The following LONP2 variants were observed in gnomAD, a reference collection of about 807,000 sequenced individuals.
LONP2 encodes the protein lon protease homolog 2, peroxisomal.
A neutral mutation model predicts 85.6 loss-of-function variants in LONP2; 60 were observed. That is an observed-to-expected ratio of 0.70 (90% CI 0.57 to 0.87). LONP2 has a LOEUF of 0.87. Among genes scored for constraint, LONP2 ranks in the 40% least tolerant of loss-of-function variants. The pLI is 0.00. For synonymous variants in LONP2, 395 were observed against 389.7 expected, an observed-to-expected ratio of 1.01 and a Z score of -0.16; for missense variants, 860 against 1,063.5, an observed-to-expected ratio of 0.81 and a Z score of 2.66.
intron 11 of LONP2, among the ~76,000 whole-genome samples, chr16:48,316,362 T>A (rs1342561804): frequency 5.1e-5 from 7 of 136,988 alleles, no homozygotes; most frequent in Non-Finnish European, 1.1e-4. Flanking sequence ...AGTCTCGCCC[T>A]GTTGCTCAGG....
chr16:48,281,083 A>G (rs1303661920), intron 8 of LONP2, among the ~76,000 whole-genome samples: 1 of 152,188 alleles, frequency 6.6e-6, no homozygotes, highest in Non-Finnish European at 1.5e-5. Flanking sequence ...AATGATATCT[A>G]GATATTATTT....
At chr16:48,300,110 T>C (rs1355914879) in intron 10 of LONP2, among the ~76,000 whole-genome samples, 1 of 152,222 alleles carries the variant, frequency 6.6e-6, no homozygotes, top group Non-Finnish European at 1.5e-5. Flanking sequence ...AGGGGTTAAT[T>C]TGATCATTTA....
chr16:48,267,145 G>A (rs1972006822), intron 6 of LONP2, among the ~76,000 whole-genome samples: 1 of 152,114 alleles, frequency 6.6e-6, no homozygotes, highest in Admixed American at 6.5e-5. Flanking sequence ...TATCCATCAT[G>A]AAAATAATTC....
In LONP2 at chr16:48,362,550, A is replaced by G; in HGVS notation, c.*687A>G. The G allele has an allele frequency of 1.0e-6, 1 of 970,244 alleles. No individual in the cohort carries two copies. Among genetic ancestry groups the G allele is most frequent in the Non-Finnish European group, 1.5e-6 (1 of 654,262 alleles). 60.1% of individuals were successfully genotyped at this position (970,244 alleles called of 1,614,324 possible). On this transcript the variant is annotated 3_prime_UTR_variant, in exon 5 of 5. Transcript: ENST00000565867. The surrounding 1 kb of genome is among the most constrained non-coding windows in gnomAD (Gnocchi z 4.2). ...TCATACAAAATTTACTGAGCAAAAG[A>G]GGAAGAAAAATAGGATTAAAAAAGA...
intron 6 of LONP2, among the ~76,000 whole-genome samples, chr16:48,269,347 C>T (rs1972055547): frequency 1.3e-5 from 2 of 151,950 alleles, no homozygotes; most frequent in African/African-American, 4.8e-5. Flanking sequence ...AACTTGAATG[C>T]TCAGCAGTAG....
chr16:48,281,346 G>A (rs1031765043), intron 8 of LONP2, among the ~76,000 whole-genome samples: 3 of 152,086 alleles, frequency 2.0e-5, no homozygotes, highest in African/African-American at 7.2e-5. Flanking sequence ...GTCCAAAAAA[G>A]GAGAATTCAA....
Position 48,296,128 on chromosome 16 carries a change from T to G in LONP2, c.1497T>G (p.Ala499=). The G allele has an allele frequency of 1.9e-6, 3 of 1,614,214 alleles. No individual in the cohort carries two copies. Among genetic ancestry groups the G allele is most frequent in the Non-Finnish European group, 2.5e-6 (3 of 1,180,026 alleles). The change falls in exon 9 of 15, where the codon GCT becomes GCG. Residue 499 remains alanine, a synonymous_variant. Transcript: ENST00000285737. ...CCAACACCACTGCTACCATTCCAGC[T>G]GCCTTGTTGGACAGAATGGAGATCA... ...ATANTTATIP[A]ALLDRMEIIQ... is the part of the protein sequence containing the mutation.
intron 11 of LONP2, among the ~76,000 whole-genome samples, chr16:48,322,152 AC>A (rs1263119976): frequency 2.6e-5 from 4 of 152,072 alleles, no homozygotes; most frequent in Admixed American, 1.3e-4. Flanking sequence ...GTATAGCTAT[AC>A]AAAAAATATT....
intron 8 of LONP2, among the ~76,000 whole-genome samples, chr16:48,291,474 T>G (rs1972555678): frequency 6.6e-6 from 1 of 152,258 alleles, no homozygotes; most frequent in African/African-American, 2.4e-5. Flanking sequence ...AGAATAATTC[T>G]CAGTGTACAT....
At chr16:48,281,654 C>A (rs1972330700) in intron 8 of LONP2, among the ~76,000 whole-genome samples, 1 of 152,098 alleles carries the variant, frequency 6.6e-6, no homozygotes, top group South Asian at 2.1e-4. Context: ...AAATAAAATG[C>A]ATGGATACAA....
chr16:48,334,793 T>C (rs765697482), intron 12 of LONP2: 28 of 554,098 alleles, frequency 5.1e-5, no homozygotes, highest in Admixed American at 2.0e-4. Context: ...CTCAGTGGCA[T>C]CACTGGGCTC....
chr16:48,357,012 A>G lies in LONP2; in HGVS notation c.*5210A>G, dbSNP rs1960392266. ...GCCTAAGAAAATTACATCTATGATAATAAAGTGTATTTCTTTGTCAAGTTT... is the reference window on the plus strand; with the variant it reads ...GCCTAAGAAAATTACATCTATGATAGTAAAGTGTATTTCTTTGTCAAGTTT... On this transcript the variant is annotated 3_prime_UTR_variant, in exon 15 of 15. Coordinates refer to ENST00000285737, the MANE Select transcript of LONP2 (RefSeq NM_031490.5). The G allele has an allele frequency of 6.5e-6, 1 of 153,426 alleles. No homozygotes were observed. The allele number at this position is 153,426 out of a possible 1,614,324, so 9.5% of individuals were successfully genotyped here.
Position 48,352,048 on chromosome 16 carries a change from G to A in LONP2, c.*246G>A. ...TCCTTACTGTCCCTGGAAAGATATA[G>A]CATAGTGGTTCTCAGCACAGTCTCC... is the stretch of plus-strand genomic sequence containing the variant. On this transcript the variant is annotated 3_prime_UTR_variant, in exon 15 of 15. Transcript: ENST00000285737. 2.0e-6 allele frequency: 1 copy of A among 500,402 alleles called. No individual in the cohort carries two copies. The highest frequency in any genetic ancestry group is 3.6e-6 in the Non-Finnish European group (1 of 279,728). 31.0% of individuals were successfully genotyped at this position (500,402 alleles called of 1,614,324 possible).
rs753821880 is a variant in LONP2 at position 48,303,307 on chromosome 16, T to A, written c.1795+2T>A. 1 of 1,611,304 alleles carries A rather than the reference T, an allele frequency of 6.2e-7. No homozygotes were observed. The highest frequency in any genetic ancestry group is 1.1e-5 in the South Asian group (1 of 90,990). ...GTTCTGATGTGACTGAGAGAGAAGG[T>A]TGGTGACCTTGTTCTGGCATTCTCA... is the stretch of plus-strand genomic sequence containing the variant. On this transcript the variant is annotated splice_donor_variant, in intron 11 of 14. Transcript: ENST00000285737. LOFTEE classifies it high-confidence loss of function.
At chr16:48,341,305 T>A (rs141063412) in intron 12 of LONP2, among the ~76,000 whole-genome samples, 1 of 147,106 alleles carries the variant, frequency 6.8e-6, no homozygotes, top group Non-Finnish European at 1.5e-5. Flanking sequence ...ATCTCAAAAA[T>A]AAATAAATAA....
intron 12 of LONP2, among the ~76,000 whole-genome samples, chr16:48,340,811 G>A (rs557014451): frequency 2.8e-4 from 43 of 151,984 alleles, no homozygotes; most frequent in African/African-American, 1.0e-3. Flanking sequence ...AATATTACCC[G>A]GAAGGCTGAG....
intron 11 of LONP2, among the ~76,000 whole-genome samples, chr16:48,307,954 G>A (rs1313109976): frequency 6.6e-6 from 1 of 152,112 alleles, no homozygotes; most frequent in Non-Finnish European, 1.5e-5. Context: ...GAGAGAGGGA[G>A]CAAGGAAAGA....
chr16:48,328,867 C>T (rs1959344862), intron 11 of LONP2, among the ~76,000 whole-genome samples: 1 of 151,454 alleles, frequency 6.6e-6, no homozygotes, highest in African/African-American at 2.4e-5. Flanking sequence ...GGAGCGGGAG[C>T]CAGTATATAA....
In LONP2 at chr16:48,252,169, GT is replaced by G. The variant is rs1971667429; in HGVS notation, c.273del (p.Ser91ArgfsTer11). 1 of 1,607,414 alleles carries G rather than the reference GT, an allele frequency of 6.2e-7. No homozygotes were observed. On this transcript the variant is annotated frameshift_variant, in exon 2 of 15. Transcript: ENST00000285737. LOFTEE classifies it high-confidence loss of function. Reference sequence around the variant, plus strand: ...GCACTGGCCGTTCAGGTTGTGGGCAGTAACTGGCCCAAGCCCCACTACACTC... The same window carrying G: ...GCACTGGCCGTTCAGGTTGTGGGCAGAACTGGCCCAAGCCCCACTACACTC... Reference protein sequence around the residue: ...TAALAVQVVGSNWPKPHYTLL... With the variant: ...TAALAVQVVGXNWPKPHYTLL...
Sources: gnomAD v4.1 joint callset for allele counts (sites outside exome capture counted in the v4.1 genomes callset) on GRCh38, gnomAD v4.1.1 for gene constraint, Gnocchi (gnomAD v3.1) non-coding constraint, MANE v1.5 for transcripts, NCBI Gene and HGNC (gene_info 2026-07-23, HGNC 2026-07-21) for gene names.